Variants in TP63 observed in about 807,000 individuals in gnomAD.
The protein encoded by TP63 is tumor protein 63.
TP63 carries 17 observed loss-of-function variants against 82.8 expected under a neutral mutation model. The observed-to-expected ratio is 0.21, with a 90% CI of 0.14 to 0.31. The LOEUF is 0.31. TP63 is among the 10% of genes least tolerant of loss of function. The probability of loss-of-function intolerance (pLI) is 1.00; values close to 1 mark genes in which losing one functional copy is unlikely to be tolerated. For synonymous variants in TP63, 330 were observed against 321.7 expected (o/e 1.03, Z -0.28); for missense variants, 648 against 895.3 (o/e 0.72, Z 3.52).
chr3:189,663,831 G>A (rs1182579094), intron 1 of TP63, among the ~76,000 whole-genome samples: 3 of 151,896 alleles, frequency 2.0e-5, no homozygotes, highest in Non-Finnish European at 4.4e-5. Context: ...CCTGACCTGA[G>A]CCACCGCACC....
At chr3:189,847,375 C>A (rs6775002) in intron 4 of TP63, among the ~76,000 whole-genome samples, 40,806 of 151,818 alleles carry the variant, frequency 0.27, 5,676 homozygotes, top group South Asian at 0.35. Context: ...CAAAAATAAT[C>A]ATCATCATCA....
At chr3:189,674,950 T>A (rs767316841) in intron 1 of TP63, among the ~76,000 whole-genome samples, 1 of 152,140 alleles carries the variant, frequency 6.6e-6, no homozygotes, top group Admixed American at 6.6e-5. Context: ...GACAAAATCA[T>A]GTATTTTGTC....
At chr3:189,727,809 A>C (rs181381605) in intron 1 of TP63, among the ~76,000 whole-genome samples, 4 of 152,190 alleles carry the variant, frequency 2.6e-5, no homozygotes, top group Non-Finnish European at 5.9e-5. Flanking sequence ...CCTAAATTCT[A>C]ATTTGGGGGC....
At chr3:189,698,115 A>C (rs985709890) in intron 1 of TP63, among the ~76,000 whole-genome samples, 1 of 152,116 alleles carries the variant, frequency 6.6e-6, no homozygotes, top group Non-Finnish European at 1.5e-5. Context: ...TCTCATTCTT[A>C]ACATTTTAAG....
intron 1 of TP63, among the ~76,000 whole-genome samples, chr3:189,660,503 T>A (rs900667576): frequency 1.3e-5 from 2 of 152,128 alleles, no homozygotes; most frequent in Non-Finnish European, 2.9e-5. Context: ...ATGTGATGTC[T>A]CCAGCTTTGT....
chr3:189,756,710 A>G (rs1212656629), intron 3 of TP63, among the ~76,000 whole-genome samples: 2 of 152,182 alleles, frequency 1.3e-5, no homozygotes. Flanking sequence ...TAATCTGAAA[A>G]GAAACCCTTT....
chr3:189,611,270 G>C, the TP63 span, among the ~76,000 whole-genome samples: 1 of 152,116 alleles, frequency 6.6e-6, no homozygotes, highest in Admixed American at 6.5e-5. Context: ...GGTTTTTATA[G>C]TTTTGGGTTT....
At chr3:189,644,912 CTT>C (rs67262538) in intron 1 of TP63, among the ~76,000 whole-genome samples, 31 of 142,596 alleles carry the variant, frequency 2.2e-4, no homozygotes, top group Non-Finnish European at 1.5e-4. Context: ...ACCACATTTT[CTT>C]TTTTTTTTTT....
At chr3:189,864,168 G>T in intron 4 of TP63, 64 bp from the exon 5 acceptor site, 1 of 1,600,468 alleles carries the variant, frequency 6.2e-7, no homozygotes, top group South Asian at 1.1e-5. Flanking sequence ...TTCTGATTTG[G>T]AATGTAACAA....
At chr3:189,748,610 C>T (rs548802201) in intron 3 of TP63, among the ~76,000 whole-genome samples, 2 of 149,906 alleles carry the variant, frequency 1.3e-5, no homozygotes, top group African/African-American at 4.9e-5. Context: ...AATGACCATG[C>T]TGCCCAAAGC....
At chr3:189,694,303 C>T (rs1053091424) in intron 1 of TP63, among the ~76,000 whole-genome samples, 21 of 152,150 alleles carry the variant, frequency 1.4e-4, no homozygotes, top group Admixed American at 3.3e-4. Context: ...TTTGCCACAA[C>T]GAATGAACTA....
chr3:189,820,501 C>A (rs931065766), intron 4 of TP63, among the ~76,000 whole-genome samples: 1 of 152,052 alleles, frequency 6.6e-6, no homozygotes, highest in Non-Finnish European at 1.5e-5. Flanking sequence ...TCTCACCACT[C>A]CCCCAACCTA....
In TP63 at chr3:189,802,753, C is replaced by A. The variant is rs116200622; in HGVS notation, c.325-5519C>A. ...GTGTTCAATCCCCTAGCCTCATCCA[C>A]CAGTCACTCATGGATTATAAATACA... is the stretch of plus-strand genomic sequence containing the variant. On this transcript the variant is annotated intron_variant, in intron 3 of 13. Transcript: ENST00000264731. 6.3e-3 allele frequency among the ~76,000 whole-genome samples: 957 copies of A among 152,246 alleles called. 7 individuals carry two copies. Among genetic ancestry groups the A allele is most frequent in the African/African-American group, 0.022 (916 of 41,540 alleles).
chr3:189,701,449 A>G (rs986167321), intron 1 of TP63, among the ~76,000 whole-genome samples: 1 of 151,228 alleles, frequency 6.6e-6, no homozygotes, highest in Non-Finnish European at 1.5e-5. Context: ...TGAATATGAG[A>G]AGCCACCTTT....
intron 1 of TP63, among the ~76,000 whole-genome samples, chr3:189,662,859 G>T (rs1372553565): frequency 6.6e-6 from 1 of 151,978 alleles, no homozygotes; most frequent in Non-Finnish European, 1.5e-5. Flanking sequence ...GCATACCAAA[G>T]ATAAGGAAAC....
chr3:189,770,010 A>T (rs1327143360), intron 3 of TP63, among the ~76,000 whole-genome samples: 2 of 152,220 alleles, frequency 1.3e-5, no homozygotes, highest in African/African-American at 2.4e-5. Context: ...ATCAGAAATT[A>T]TACGTTTTTG....
chr3:189,830,180 G>T (rs1712100077), intron 4 of TP63, among the ~76,000 whole-genome samples: 1 of 152,168 alleles, frequency 6.6e-6, no homozygotes, highest in African/African-American at 2.4e-5. Context: ...TTTGAGATCT[G>T]ACTAGGAGAA....
intron 3 of TP63, among the ~76,000 whole-genome samples, chr3:189,778,555 A>G (rs988647291): frequency 5.3e-5 from 8 of 152,232 alleles, no homozygotes; most frequent in Non-Finnish European, 8.8e-5. Flanking sequence ...AGGATTGTGC[A>G]TGAGTTTTAA....
intron 4 of TP63, among the ~76,000 whole-genome samples, chr3:189,818,807 A>G (rs1390087200): frequency 3.3e-5 from 5 of 152,168 alleles, no homozygotes; most frequent in Non-Finnish European, 1.5e-5. Context: ...CCCAAAACAG[A>G]GTAGTCTTGA....
Sources: allele counts gnomAD v4.1 joint callset (sites outside exome capture counted in the v4.1 genomes callset), GRCh38; gene constraint gnomAD v4.1.1; transcripts MANE v1.5; gene names NCBI Gene and HGNC (gene_info 2026-07-23, HGNC 2026-07-21).